The following PHF20 variants were observed in gnomAD, a reference collection of about 807,000 sequenced individuals.
The protein encoded by PHF20 is glioma-expressed antigen 2.
In PHF20, 23 loss-of-function variants were observed where a neutral mutation model predicts 113.5. That is an observed-to-expected ratio of 0.20 (90% CI 0.15 to 0.29). The LOEUF (loss-of-function observed/expected upper bound fraction) is 0.29. Among genes scored for constraint, PHF20 ranks in the 10% least tolerant of loss-of-function variants. The pLI is 1.00. For synonymous variants in PHF20, 434 were observed against 457.3 expected (o/e 0.95, Z 0.65); for missense variants, 943 against 1,219.6 (o/e 0.77, Z 3.38).
At chr20:35,790,501 T>C (rs2041523584) in intron 1 of PHF20, among the ~76,000 whole-genome samples, 2 of 152,156 alleles carry the variant, frequency 1.3e-5, no homozygotes, top group Non-Finnish European at 2.9e-5. Context: ...GGGCCTGACC[T>C]GTGCTAATAA....
intron 2 of PHF20, among the ~76,000 whole-genome samples, chr20:35,816,430 T>C (rs1489031250): frequency 6.6e-6 from 1 of 152,150 alleles, no homozygotes; most frequent in African/African-American, 2.4e-5. Context: ...TATATTTGAT[T>C]TATGTCATAA....
chr20:35,881,069 T>A (rs1600868851), intron 9 of PHF20, among the ~76,000 whole-genome samples: 1 of 146,522 alleles, frequency 6.8e-6, no homozygotes, highest in East Asian at 2.0e-4. Flanking sequence ...TTTTTTTTTT[T>A]TCTGAGACGG....
At chr20:35,863,584 A>C (rs566574221) in intron 6 of PHF20, among the ~76,000 whole-genome samples, 184 bp downstream of exon 6, 1 of 152,340 alleles carries the variant, frequency 6.6e-6, no homozygotes, top group Non-Finnish European at 1.5e-5. Context: ...ATCCAAGTGA[A>C]TCTAAGTTGG....
chr20:35,918,408 G>A (rs1157800863), intron 13 of PHF20, among the ~76,000 whole-genome samples: 2 of 152,156 alleles, frequency 1.3e-5, no homozygotes, highest in East Asian at 3.8e-4. Context: ...TGGGTCCTAG[G>A]GCTCAGAGGC....
intron 2 of PHF20, among the ~76,000 whole-genome samples, chr20:35,834,078 A>G (rs887589401): frequency 2.0e-5 from 3 of 150,876 alleles, no homozygotes; most frequent in Non-Finnish European, 4.4e-5. Flanking sequence ...AAATAAATAA[A>G]TAAATAAAAA....
intron 15 of PHF20, among the ~76,000 whole-genome samples, chr20:35,936,569 T>C (rs564295347): frequency 3.3e-4 from 50 of 152,356 alleles, no homozygotes; most frequent in African/African-American, 1.2e-3. Context: ...TAAGAATCCC[T>C]GTTCTTTTCT....
chr20:35,898,312 TAG>T (rs1261665819), intron 9 of PHF20, among the ~76,000 whole-genome samples: 4 of 152,250 alleles, frequency 2.6e-5, no homozygotes, highest in Admixed American at 1.3e-4. Flanking sequence ...TTAGGTTTCA[TAG>T]AGAGATACTG....
chr20:35,813,143 G>A (rs975431247), intron 2 of PHF20, among the ~76,000 whole-genome samples: 2 of 151,618 alleles, frequency 1.3e-5, no homozygotes, highest in Admixed American at 6.6e-5. Flanking sequence ...AATTTTTTTT[G>A]TATTTTTTAG....
intron 4 of PHF20, among the ~76,000 whole-genome samples, chr20:35,849,883 A>C (rs2042688429): frequency 6.6e-6 from 1 of 152,054 alleles, no homozygotes. Context: ...TTTTCTTGCC[A>C]CTCTTAATCT....
intron 3 of PHF20, among the ~76,000 whole-genome samples, chr20:35,844,862 A>G (rs73902913): frequency 0.17 from 25,765 of 152,108 alleles, 2,281 homozygotes; most frequent in African/African-American, 0.24. Context: ...ATAAGCTTAA[A>G]TTTAATAAGC....
intron 6 of PHF20, among the ~76,000 whole-genome samples, chr20:35,865,930 C>T (rs754868421): frequency 2.6e-5 from 4 of 151,762 alleles, no homozygotes; most frequent in Non-Finnish European, 5.9e-5. Flanking sequence ...AAAAATTGGC[C>T]GGGCATGGTG....
At chr20:35,946,427 C>T (rs966300569) in intron 17 of PHF20, among the ~76,000 whole-genome samples, 1 of 151,912 alleles carries the variant, frequency 6.6e-6, no homozygotes, top group African/African-American at 2.4e-5. Context: ...CAGTGAGACT[C>T]CATCTCAAAA....
intron 2 of PHF20, among the ~76,000 whole-genome samples, chr20:35,827,587 A>G (rs1263727574): frequency 1.3e-5 from 2 of 152,036 alleles, no homozygotes; most frequent in African/African-American, 2.4e-5. Flanking sequence ...GATCGAGACC[A>G]TCCTGGCTAA....
intron 1 of PHF20, among the ~76,000 whole-genome samples, chr20:35,775,311 T>C (rs1406587115): frequency 6.6e-6 from 1 of 152,150 alleles, no homozygotes; most frequent in Non-Finnish European, 1.5e-5. Context: ...GAAGACAAAG[T>C]TTCTCTGTGA....
At chr20:35,841,630 T>C (rs2042536915) in intron 2 of PHF20, among the ~76,000 whole-genome samples, 1 of 151,638 alleles carries the variant, frequency 6.6e-6, no homozygotes, top group African/African-American at 2.4e-5. Flanking sequence ...ATTAGCTGGG[T>C]GTGGTGGCAC....
intron 4 of PHF20, among the ~76,000 whole-genome samples, chr20:35,850,497 T>TATA (rs2042706097): frequency 6.8e-6 from 1 of 148,000 alleles, no homozygotes; most frequent in African/African-American, 2.5e-5. Flanking sequence ...ATATATATAT[T>TATA]TTTAAGGTTT....
At chr20:35,894,201 T>G (rs1288247337) in intron 9 of PHF20, among the ~76,000 whole-genome samples, 1 of 152,224 alleles carries the variant, frequency 6.6e-6, no homozygotes, top group Non-Finnish European at 1.5e-5. Context: ...GAAGACTGGT[T>G]GAAGAAATGT....
intron 6 of PHF20, among the ~76,000 whole-genome samples, chr20:35,865,849 C>T (rs1332003588): frequency 1.3e-5 from 2 of 152,044 alleles, no homozygotes; most frequent in African/African-American, 4.8e-5. Flanking sequence ...CAAAATTGGC[C>T]AGGCGTGGTG....
rs1191410146 is a variant in PHF20 at position 35,941,028 on chromosome 20, C to T, written c.2877C>T (p.Ser959=). ...ATGAAGTTACGCACAGGATGGACTC[C>T]ATTGAGAAGGAGTTGGATGGTAGGG... is the stretch of plus-strand genomic sequence containing the variant. ...LQDEVTHRMD[S]IEKELDVLES... Residue 959 remains serine, a synonymous_variant, in exon 17 of 18, where the codon TCC becomes TCT. Coordinates refer to ENST00000374012, the MANE Select transcript of PHF20 (RefSeq NM_016436.5). 3 of 1,613,566 alleles carry T rather than the reference C, an allele frequency of 1.9e-6. No individual in the cohort carries two copies. In the African/African-American group the frequency reaches 4.0e-5, roughly 22 times the overall value.
Sources: gnomAD v4.1 joint callset for allele counts (sites outside exome capture counted in the v4.1 genomes callset) on GRCh38, gnomAD v4.1.1 for gene constraint, MANE v1.5 for transcripts, NCBI Gene and HGNC (gene_info 2026-07-23, HGNC 2026-07-21) for gene names.